CAPN13: variants seen among roughly 807,000 people sequenced by gnomAD.
CAPN13 encodes calpain 13.
In CAPN13, 90 loss-of-function variants were observed where a neutral mutation model predicts 98.4. The observed-to-expected ratio is 0.92, with a 90% CI of 0.77 to 1.09. The LOEUF (loss-of-function observed/expected upper bound fraction) is 1.09. Ranked by LOEUF, CAPN13 falls within the 50% of genes least tolerant of loss-of-function variation. The pLI is 0.00. For synonymous variants in CAPN13, 330 were observed against 305.5 expected (o/e 1.08, Z -0.84); for missense variants, 887 against 841.3 (o/e 1.05, Z -0.67).
At chr2:30,726,388 C>T (rs985850080) in intron 22 of CAPN13, among the ~76,000 whole-genome samples, 4 of 151,858 alleles carry the variant, frequency 2.6e-5, no homozygotes, top group African/African-American at 9.7e-5. Flanking sequence ...TCTAGCCAGA[C>T]AATTAGGCAA....
At chr2:30,791,293 G>T (rs1674596167) in intron 1 of CAPN13, among the ~76,000 whole-genome samples, 1 of 152,222 alleles carries the variant, frequency 6.6e-6, no homozygotes, top group Non-Finnish European at 1.5e-5. Context: ...TGGGAGATAT[G>T]TCTTAGATAC....
chr2:30,734,813 A>T (rs997513215), intron 18 of CAPN13, among the ~76,000 whole-genome samples: 1 of 151,998 alleles, frequency 6.6e-6, no homozygotes, highest in African/African-American at 2.4e-5. Context: ...AGGGCTCTCC[A>T]AAGAGTTTGC....
rs765757110 is a variant in CAPN13, at chr2:30,732,610, C to T, written c.1799-44G>A. 1.8e-5 allele frequency: 29 copies of T among 1,579,588 alleles called. No homozygotes were observed. In the South Asian group the frequency reaches 1.8e-4, roughly 10 times the overall value. ...GAGTGAGTGAGAGGAGGCTAGGGCTCGGGGGTTCCTCTGCCTCTCAGGGTC... is the reference window on the plus strand; with the variant it reads ...GAGTGAGTGAGAGGAGGCTAGGGCTTGGGGGTTCCTCTGCCTCTCAGGGTC... On this transcript the variant is annotated intron_variant, in intron 19 of 22. Transcript: ENST00000295055.
chr2:30,802,991 C>G (rs573622157), intron 1 of CAPN13, among the ~76,000 whole-genome samples: 1 of 152,296 alleles, frequency 6.6e-6, no homozygotes, highest in South Asian at 2.1e-4. Flanking sequence ...GAACGTGCAT[C>G]TGGTGGTCTG....
intron 2 of CAPN13, among the ~76,000 whole-genome samples, chr2:30,779,295 C>T (rs989904707): frequency 1.1e-4 from 17 of 152,202 alleles, no homozygotes; most frequent in Admixed American, 8.5e-4. Context: ...CCCTGGGTGA[C>T]CTTGAGACCT....
intron 1 of CAPN13, among the ~76,000 whole-genome samples, chr2:30,789,368 C>G (rs1236470412): frequency 6.6e-6 from 1 of 152,298 alleles, no homozygotes; most frequent in Admixed American, 6.5e-5. Context: ...GTGATAAATT[C>G]TAGCAATGAG....
intron 7 of CAPN13, among the ~76,000 whole-genome samples, chr2:30,758,695 C>G (rs1316539587): frequency 6.6e-6 from 1 of 152,156 alleles, no homozygotes; most frequent in Non-Finnish European, 1.5e-5. Flanking sequence ...CATCCCGGAG[C>G]TGATGAGACA....
chr2:30,728,887 G>A (rs1385119000), intron 22 of CAPN13, among the ~76,000 whole-genome samples: 2 of 152,154 alleles, frequency 1.3e-5, no homozygotes, highest in Admixed American at 6.5e-5. Context: ...AGGGAGAGTG[G>A]GAAGTGAGAA....
At chr2:30,758,460 G>T (rs957924603) in intron 7 of CAPN13, among the ~76,000 whole-genome samples, 3 of 152,166 alleles carry the variant, frequency 2.0e-5, no homozygotes, top group African/African-American at 7.2e-5. Context: ...AGGGGATGTT[G>T]CTTCGGGCTG....
Position 30,795,801 on chromosome 2 carries a change from T to G in CAPN13, c.-32-8444A>C, listed in dbSNP as rs542350623. ...ATATTTGCTTTAAGTTTAATTTTTATAAATTGAGCCAATATTAACTCTTAT... is the reference window on the plus strand; with the variant it reads ...ATATTTGCTTTAAGTTTAATTTTTAGAAATTGAGCCAATATTAACTCTTAT... On this transcript the variant is annotated intron_variant, in intron 1 of 22. Coordinates refer to ENST00000295055, the MANE Select transcript of CAPN13 (RefSeq NM_144575.3). Among the ~76,000 whole-genome samples, 247 of 152,222 alleles carry G rather than the reference T, an allele frequency of 1.6e-3. 1 individual carries two copies. The highest frequency in any genetic ancestry group is 2.1e-3 in the Non-Finnish European group (140 of 67,966).
intron 12 of CAPN13, among the ~76,000 whole-genome samples, chr2:30,745,032 G>T (rs1671838323): frequency 1.3e-5 from 2 of 152,134 alleles, no homozygotes; most frequent in African/African-American, 4.8e-5. Flanking sequence ...TCCCCTGGAA[G>T]GCCTGGAGGT....
intron 5 of CAPN13, among the ~76,000 whole-genome samples, chr2:30,765,003 C>T (rs1673042071): frequency 6.6e-6 from 1 of 152,094 alleles, no homozygotes; most frequent in Admixed American, 6.6e-5. Context: ...ACATAACATA[C>T]CCCAAAAGCT....
intron 12 of CAPN13, among the ~76,000 whole-genome samples, chr2:30,744,191 C>T (rs1368717067): frequency 2.6e-5 from 4 of 152,180 alleles, no homozygotes; most frequent in African/African-American, 9.7e-5. Flanking sequence ...ACAAATTTTC[C>T]CCACTATAGT....
At chr2:30,756,124 C>T (rs1672431738) in intron 8 of CAPN13, among the ~76,000 whole-genome samples, 1 of 151,926 alleles carries the variant, frequency 6.6e-6, no homozygotes, top group African/African-American at 2.4e-5. Context: ...CTCCCCCAGT[C>T]CCTGCTCTGC....
chr2:30,730,008 A>G (rs890632780), intron 22 of CAPN13: 2 of 152,248 alleles, frequency 1.3e-5, no homozygotes, highest in African/African-American at 2.4e-5. Flanking sequence ...TCCAGAGAGT[A>G]GAGCCAGAAG....
At chr2:30,737,397 G>A in intron 17 of CAPN13, 1 of 152,614 alleles carries the variant, frequency 6.6e-6, no homozygotes, top group Non-Finnish European at 1.5e-5. Flanking sequence ...GGCTGGCAGG[G>A]CAGCATCTGG....
intron 11 of CAPN13, among the ~76,000 whole-genome samples, chr2:30,747,064 C>G (rs923664659): frequency 2.0e-5 from 3 of 152,220 alleles, no homozygotes; most frequent in African/African-American, 7.2e-5. Flanking sequence ...CGTTCTTGCA[C>G]TCCCACCCCT....
chr2:30,734,569 G>T, intron 18 of CAPN13, 45 bp from the exon 19 acceptor site: 2 of 1,479,544 alleles, frequency 1.4e-6, no homozygotes, highest in African/African-American at 1.4e-5. Context: ...AGACTGGGAA[G>T]GTCTGGATAC....
At position 30,738,441 on chromosome 2, in the gene CAPN13, G is replaced by C. The variant is rs891325827; in HGVS notation, c.1553C>G (p.Ala518Gly). 1 of 1,605,358 alleles carries C rather than the reference G, an allele frequency of 6.2e-7. No homozygotes were observed. Among genetic ancestry groups the C allele is most frequent in the Admixed American group, 1.7e-5 (1 of 58,752 alleles). Reference protein sequence around the residue: ...RYAQQRLDIDATQLQGLLNQE... With the variant: ...RYAQQRLDIDGTQLQGLLNQE... The stretch of plus-strand genomic sequence containing the variant: ...GTTGAGAAGGCCCTGAAGCTGGGTG[G>C]CATCAATGTCCAGCCTCTGATCCAA... The change falls in exon 16 of 23, where the codon GCC (alanine) becomes GGC (glycine). Residue 518 changes from alanine to glycine, a missense_variant. Transcript: ENST00000295055.
Sources: gnomAD v4.1 joint callset for allele counts (sites outside exome capture counted in the v4.1 genomes callset) on GRCh38, gnomAD v4.1.1 for gene constraint, MANE v1.5 for transcripts, NCBI Gene and HGNC (gene_info 2026-07-23, HGNC 2026-07-21) for gene names.